The following LATS2 variants were observed in gnomAD, a reference collection of about 807,000 sequenced individuals.
LATS2 encodes the protein large tumor suppressor kinase 2, also known as serine/threonine-protein kinase LATS2.
A neutral mutation model predicts 76.0 loss-of-function variants in LATS2; 24 were observed. The observed-to-expected ratio is 0.32, with a 90% CI of 0.23 to 0.44. The LOEUF (loss-of-function observed/expected upper bound fraction) is 0.44. Ranked by LOEUF, LATS2 falls within the 20% of genes least tolerant of loss-of-function variation. The pLI is 1.00. For missense variants in LATS2, 1,286 were observed against 1,481.2 expected, an observed-to-expected ratio of 0.87 and a Z score of 2.16; for synonymous variants, 692 against 635.4, an observed-to-expected ratio of 1.09 and a Z score of -1.34.
chr13:21,031,499 C>A (rs970301728), intron 2 of LATS2, among the ~76,000 whole-genome samples: 1 of 152,096 alleles, frequency 6.6e-6, no homozygotes, highest in Non-Finnish European at 1.5e-5. Flanking sequence ...AATTTTTTCA[C>A]CTATTTTGCT....
Position 20,974,600 on chromosome 13 carries a change from A to AT in LATS2, c.*269dup, listed in dbSNP as rs1869502947. 2.7e-6 allele frequency: 1 copy of AT among 373,126 alleles called. No homozygotes were observed. The highest frequency in any genetic ancestry group is 4.8e-6 in the Non-Finnish European group (1 of 208,452). 23.1% of individuals were successfully genotyped at this position (373,126 alleles called of 1,614,324 possible). A position where few individuals can be genotyped will look rare whatever the true frequency, so the allele number is the denominator to read the frequency against. ...GTAAGAAAAAATGGATATAAACAAA[A>AT]TAAGTGCTCTTTCTAAACTGTACTA... On this transcript the variant is annotated 3_prime_UTR_variant, in exon 8 of 8. Transcript: ENST00000382592.
chr13:20,993,206 T>C (rs1285071459), intron 2 of LATS2, among the ~76,000 whole-genome samples: 1 of 152,116 alleles, frequency 6.6e-6, no homozygotes, highest in Admixed American at 6.6e-5. Flanking sequence ...GGATAGGGCA[T>C]TGTGGTGCCC....
intron 1 of LATS2, among the ~76,000 whole-genome samples, chr13:21,049,661 C>T (rs1873192965): frequency 6.6e-6 from 1 of 152,198 alleles, no homozygotes; most frequent in Admixed American, 6.5e-5. Flanking sequence ...CCACAAGAGA[C>T]ACTGCAGACT....
At chr13:21,015,722 C>T (rs1041286747) in intron 2 of LATS2, among the ~76,000 whole-genome samples, 6 of 152,068 alleles carry the variant, frequency 3.9e-5, no homozygotes, top group Non-Finnish European at 8.8e-5. Flanking sequence ...ATTTTTGAGA[C>T]GGAGTCTCAC....
chr13:20,985,464 T>C (rs1289740862), intron 4 of LATS2, among the ~76,000 whole-genome samples: 1 of 152,146 alleles, frequency 6.6e-6, no homozygotes, highest in Non-Finnish European at 1.5e-5. Context: ...AAAGGCCAGA[T>C]ATGGTGGCTC....
At chr13:21,050,131 G>GATACATACATAC (rs1456299406) in intron 1 of LATS2, among the ~76,000 whole-genome samples, 2 of 52,238 alleles carry the variant, frequency 3.8e-5, no homozygotes, top group African/African-American at 1.1e-4. Flanking sequence ...TAGACAGATA[G>GATACATACATAC]ATAGATAGAT....
intron 2 of LATS2, among the ~76,000 whole-genome samples, chr13:20,996,126 G>A (rs905840852): frequency 6.6e-6 from 1 of 152,164 alleles, no homozygotes; most frequent in South Asian, 2.1e-4. Flanking sequence ...TGGAGTTGAA[G>A]CCATCATATG....
chr13:21,019,640 G>A (rs1301791369), intron 2 of LATS2, among the ~76,000 whole-genome samples: 1 of 125,090 alleles, frequency 8.0e-6, no homozygotes, highest in African/African-American at 3.0e-5. Context: ...ACCGCATCCA[G>A]CTGGATTTGT....
In LATS2 at chr13:20,983,582, A is replaced by G. The variant is rs367586777; in HGVS notation, c.2124T>C (p.Asn708=). 276 of 1,613,982 alleles carry G rather than the reference A, an allele frequency of 1.7e-4. No homozygotes were observed. The highest frequency in any genetic ancestry group is 2.3e-4 in the Non-Finnish European group (270 of 1,180,028). ...TLRKKDVLNR[N]QVAHVKAERD... is the part of the protein sequence containing the mutation. ...TCTCGGCCTTGACGTGGGCCACCTG[A>G]TTCCGGTTCAGGACATCCTTTTTCC... The change falls in exon 5 of 8, where the codon AAT becomes AAC. Residue 708 remains asparagine (N), a synonymous_variant. Transcript: ENST00000382592.
rs532247708 is a variant in LATS2 at position 20,996,120 on chromosome 13, G to A, written c.343-4716C>T. The stretch of plus-strand genomic sequence containing the variant: ...CTTCTAGACAGATCTCAATGCTGGA[G>A]TTGAAGCCATCATATGAGCACCAGA... On this transcript the variant is annotated intron_variant, in intron 2 of 7. Coordinates refer to ENST00000382592, the MANE Select transcript of LATS2 (RefSeq NM_014572.3). Among the ~76,000 whole-genome samples the A allele has an allele frequency of 1.1e-4, 17 of 152,312 alleles. No individual in the cohort carries two copies. In the East Asian group the frequency reaches 3.3e-3, roughly 29 times the overall value.
In LATS2 at chr13:21,009,822, G is replaced by A. The variant is rs370944795; in HGVS notation, c.343-18418C>T. Among the ~76,000 whole-genome samples the A allele has an allele frequency of 1.5e-3, 232 of 152,304 alleles. 1 individual carries two copies. Among genetic ancestry groups the A allele is most frequent in the African/African-American group, 5.0e-3 (207 of 41,568 alleles). ...GAGGCCTCCCTGGAGGTCTATATGAGATCACCTGGGTCCTTAGGTGTCCCC... is the reference window on the plus strand; with the variant it reads ...GAGGCCTCCCTGGAGGTCTATATGAAATCACCTGGGTCCTTAGGTGTCCCC... On this transcript the variant is annotated intron_variant, in intron 2 of 7. Coordinates refer to ENST00000382592, the MANE Select transcript of LATS2 (RefSeq NM_014572.3).
chr13:20,984,969 G>A (rs1330389533), intron 4 of LATS2, among the ~76,000 whole-genome samples: 1 of 152,108 alleles, frequency 6.6e-6, no homozygotes. Flanking sequence ...TAGACCAATG[G>A]AACAGAATAG....
intron 2 of LATS2, among the ~76,000 whole-genome samples, chr13:21,022,414 C>T (rs563563851): frequency 6.6e-6 from 1 of 152,228 alleles, no homozygotes; most frequent in East Asian, 1.9e-4. Context: ...CAAACACAAC[C>T]CCCACTAGCC....
chr13:20,977,226 T>C (rs1189688588), intron 7 of LATS2, among the ~76,000 whole-genome samples: 3 of 151,948 alleles, frequency 2.0e-5, no homozygotes, highest in Non-Finnish European at 4.4e-5. Flanking sequence ...TGAAGCCACA[T>C]CTCTACTAAA....
intron 2 of LATS2, among the ~76,000 whole-genome samples, chr13:21,032,811 G>A (rs1339119369): frequency 6.6e-6 from 1 of 152,172 alleles, no homozygotes; most frequent in South Asian, 2.1e-4. Context: ...AGGATGGGTC[G>A]TGGAAGTGGG....
At chr13:21,012,428 A>G (rs1030503209) in intron 2 of LATS2, among the ~76,000 whole-genome samples, 5 of 152,206 alleles carry the variant, frequency 3.3e-5, no homozygotes, top group African/African-American at 1.2e-4. Flanking sequence ...TTACAGCTAC[A>G]AAGCCATTAG....
At chr13:21,014,621 C>G (rs1319681697) in intron 2 of LATS2, among the ~76,000 whole-genome samples, 1 of 152,228 alleles carries the variant, frequency 6.6e-6, no homozygotes, top group Non-Finnish European at 1.5e-5. Context: ...CATGCAGCAA[C>G]TGAAACAAGC....
chr13:21,029,980 AGGGCAT>A (rs999224721), intron 2 of LATS2, among the ~76,000 whole-genome samples: 1 of 151,372 alleles, frequency 6.6e-6, no homozygotes, highest in African/African-American at 2.4e-5. Context: ...AAAACTTAGC[AGGGCAT>A]GGTGGCATGC....
At chr13:21,032,511 C>G (rs1174352667) in intron 2 of LATS2, among the ~76,000 whole-genome samples, 1 of 152,194 alleles carries the variant, frequency 6.6e-6, no homozygotes, top group African/African-American at 2.4e-5. Context: ...AAGCAATCGC[C>G]CACCTCAGCC....
Sources: gnomAD v4.1 joint callset for allele counts (sites outside exome capture counted in the v4.1 genomes callset) on GRCh38, gnomAD v4.1.1 for gene constraint, MANE v1.5 for transcripts, NCBI Gene and HGNC (gene_info 2026-07-23, HGNC 2026-07-21) for gene names.